The following ATG10 variants were observed in gnomAD, a reference collection of about 807,000 sequenced individuals.
The protein encoded by ATG10 is autophagy related 10.
ATG10 carries 30 observed loss-of-function variants against 32.1 expected under a neutral mutation model. That is an observed-to-expected ratio of 0.94 (90% confidence interval 0.70 to 1.27). The LOEUF (loss-of-function observed/expected upper bound fraction) is 1.27, where lower values mean the gene tolerates loss of function less well. Ranked by LOEUF, ATG10 falls within the 50% of genes most tolerant of loss-of-function variation. The pLI is 0.00. For synonymous variants in ATG10, 87 were observed against 91.5 expected, an observed-to-expected ratio of 0.95 and a Z score of 0.28; for missense variants, 233 against 262.3, an observed-to-expected ratio of 0.89 and a Z score of 0.77.
chr5:82,169,321 A>AAG (rs1743712932), intron 4 of ATG10, among the ~76,000 whole-genome samples: 1 of 141,732 alleles, frequency 7.1e-6, no homozygotes. Flanking sequence ...TGAAATTTGG[A>AAG]AAAAAAAAAA....
chr5:82,039,690 G>A (rs1402188547), intron 2 of ATG10, among the ~76,000 whole-genome samples: 1 of 152,196 alleles, frequency 6.6e-6, no homozygotes, highest in Non-Finnish European at 1.5e-5. Flanking sequence ...TAACACCCAA[G>A]TGTATTGCAA....
chr5:82,176,374 C>G (rs997178219), intron 4 of ATG10, among the ~76,000 whole-genome samples: 9 of 152,260 alleles, frequency 5.9e-5, no homozygotes, highest in African/African-American at 2.2e-4. Context: ...TTCGTAAGAC[C>G]TTGGCTGCCC....
intron 3 of ATG10, among the ~76,000 whole-genome samples, chr5:82,095,697 A>G (rs1309768059): frequency 6.6e-6 from 1 of 152,064 alleles, no homozygotes; most frequent in East Asian, 1.9e-4. Context: ...TTAGCCCACC[A>G]TTGTTCTGCT....
chr5:82,106,774 C>T lies in ATG10; in HGVS notation c.216+48172C>T, dbSNP rs982562332. On this transcript the variant is annotated intron_variant, in intron 3 of 7. Transcript: ENST00000282185. The stretch of plus-strand genomic sequence containing the variant: ...AGTGTATGAATAAACATTCCCTGAC[C>T]CCCACCTGATTTTCCTACCCCCTTC... Among the ~76,000 whole-genome samples the T allele has an allele frequency of 6.0e-5, 9 of 150,344 alleles. No homozygotes were observed. The Admixed American group carries it at 6.0e-4, about 10-fold the overall frequency.
At chr5:82,013,556 C>T (rs1170593649) in intron 2 of ATG10, among the ~76,000 whole-genome samples, 3 of 152,152 alleles carry the variant, frequency 2.0e-5, no homozygotes, top group Admixed American at 2.0e-4. Flanking sequence ...GGTAGATCTA[C>T]TTTTAGTTCT....
At chr5:82,109,257 AT>A (rs1322139163) in intron 3 of ATG10, among the ~76,000 whole-genome samples, 1 of 152,074 alleles carries the variant, frequency 6.6e-6, no homozygotes, top group African/African-American at 2.4e-5. Flanking sequence ...AGAGGGTGCC[AT>A]CGCAGAATCA....
chr5:82,211,564 C>A (rs1352878556), intron 5 of ATG10, among the ~76,000 whole-genome samples: 1 of 152,138 alleles, frequency 6.6e-6, no homozygotes, highest in African/African-American at 2.4e-5. Flanking sequence ...TAGCTATTGT[C>A]GTCAACTGAA....
chr5:82,077,093 G>A (rs1764299827), intron 3 of ATG10, among the ~76,000 whole-genome samples: 1 of 152,196 alleles, frequency 6.6e-6, no homozygotes, highest in Admixed American at 6.5e-5. Flanking sequence ...GGAGTTCGAG[G>A]CAGGCGACGC....
chr5:82,019,584 T>G (rs113627563), intron 2 of ATG10, among the ~76,000 whole-genome samples: 1 of 152,124 alleles, frequency 6.6e-6, no homozygotes, highest in East Asian at 1.9e-4. Context: ...CACCCCGATA[T>G]GAGAATGAGT....
At chr5:82,233,812 G>A (rs1291677784) in intron 5 of ATG10, among the ~76,000 whole-genome samples, 1 of 152,120 alleles carries the variant, frequency 6.6e-6, no homozygotes, top group Admixed American at 6.5e-5. Flanking sequence ...ACTGCCTAGG[G>A]CCTGCAAATT....
intron 5 of ATG10, among the ~76,000 whole-genome samples, chr5:82,201,014 A>G (rs1485451067): frequency 6.6e-6 from 1 of 151,750 alleles, no homozygotes; most frequent in African/African-American, 2.4e-5. Flanking sequence ...CCTCCCGAGT[A>G]GCTGGGACCA....
rs138053974 is a variant in ATG10, at chr5:82,232,340, C to T, written c.454-20222C>T. ...TAAACGTACCACCTGAAAGTTGTTTCATACTGAAGTTCTGTATTTAGTCTT... is the reference window on the plus strand; with the variant it reads ...TAAACGTACCACCTGAAAGTTGTTTTATACTGAAGTTCTGTATTTAGTCTT... On this transcript the variant is annotated intron_variant, in intron 5 of 7. Coordinates refer to ENST00000282185, the MANE Select transcript of ATG10 (RefSeq NM_031482.5). 6.5e-3 allele frequency among the ~76,000 whole-genome samples: 983 copies of T among 152,280 alleles called. 7 individuals are homozygous for T. Among genetic ancestry groups the T allele is most frequent in the African/African-American group, 0.022 (933 of 41,550 alleles).
intron 2 of ATG10, 144 bp downstream of exon 2, chr5:81,987,822 T>C: frequency 1.7e-6 from 1 of 603,750 alleles, no homozygotes; most frequent in Non-Finnish European, 2.9e-6. Context: ...AATTGAAGAA[T>C]GTCTTACAAC....
At chr5:81,985,163 T>C (rs779943984) in intron 1 of ATG10, among the ~76,000 whole-genome samples, 1 of 152,218 alleles carries the variant, frequency 6.6e-6, no homozygotes, top group Non-Finnish European at 1.5e-5. Flanking sequence ...TTAGGCTACT[T>C]TGTTCAGTTT....
chr5:82,238,842 G>C (rs909414819), intron 5 of ATG10, among the ~76,000 whole-genome samples: 6 of 152,126 alleles, frequency 3.9e-5, no homozygotes, highest in African/African-American at 1.4e-4. Context: ...CCGCTTCTTA[G>C]TCTGGGTAAC....
chr5:82,175,505 ACT>A (rs1482478323), intron 4 of ATG10, among the ~76,000 whole-genome samples: 1 of 152,146 alleles, frequency 6.6e-6, no homozygotes, highest in African/African-American at 2.4e-5. Flanking sequence ...TGATTGCACA[ACT>A]CTACGAATAT....
chr5:81,996,384 A>G (rs969305630), intron 2 of ATG10, among the ~76,000 whole-genome samples: 1 of 152,124 alleles, frequency 6.6e-6, no homozygotes, highest in East Asian at 1.9e-4. Flanking sequence ...GACTACAGGT[A>G]TGTACCACCA....
chr5:82,243,887 T>G (rs1286287433), intron 5 of ATG10, among the ~76,000 whole-genome samples: 3 of 152,138 alleles, frequency 2.0e-5, no homozygotes, highest in South Asian at 4.1e-4. Context: ...TATAAAAAAT[T>G]AAGAAAAACA....
chr5:82,136,608 T>A (rs562332534), intron 3 of ATG10, among the ~76,000 whole-genome samples: 3 of 152,256 alleles, frequency 2.0e-5, no homozygotes, highest in African/African-American at 7.2e-5. Flanking sequence ...GTTAGTCTGA[T>A]GGGCTTCCCT....
Sources: gnomAD v4.1 joint callset for allele counts (sites outside exome capture counted in the v4.1 genomes callset) on GRCh38, gnomAD v4.1.1 for gene constraint, MANE v1.5 for transcripts, NCBI Gene and HGNC (gene_info 2026-07-23, HGNC 2026-07-21) for gene names.